Variants in DOCK2 observed in about 807,000 individuals in gnomAD.
The protein encoded by DOCK2 is dedicator of cytokinesis protein 2.
DOCK2 carries 87 observed loss-of-function variants against 248.9 expected under a neutral mutation model. That is an observed-to-expected ratio of 0.35 (90% CI 0.29 to 0.42). The LOEUF is 0.42. DOCK2 is among the 10% of genes least tolerant of loss of function. The pLI is 1.00. For synonymous variants in DOCK2, 805 were observed against 821.6 expected, an observed-to-expected ratio of 0.98 and a Z score of 0.35; for missense variants, 1,747 against 2,300.2, an observed-to-expected ratio of 0.76 and a Z score of 4.92.
chr5:169,982,068 C>CT (rs59193932), intron 27 of DOCK2, among the ~76,000 whole-genome samples: 2,656 of 126,254 alleles, frequency 0.021, 71 homozygotes, highest in African/African-American at 0.063. Flanking sequence ...GGTAAAAATG[C>CT]TTTTTTTTTT....
chr5:169,724,647 T>A (rs1762377110), intron 22 of DOCK2, among the ~76,000 whole-genome samples: 1 of 152,064 alleles, frequency 6.6e-6, no homozygotes, highest in Non-Finnish European at 1.5e-5. Flanking sequence ...ACGCCTCCAG[T>A]CTAGCTTACC....
chr5:169,881,223 GC>G (rs1772627876), intron 27 of DOCK2: 1 of 668,236 alleles, frequency 1.5e-6, no homozygotes, highest in Admixed American at 2.5e-5. Context: ...AGCAATCCCT[GC>G]CTTGGAACCA....
At chr5:169,809,525 G>A (rs754708737) in intron 26 of DOCK2, among the ~76,000 whole-genome samples, 21 of 152,266 alleles carry the variant, frequency 1.4e-4, no homozygotes, top group Admixed American at 6.5e-4. Flanking sequence ...GGACTTCCTT[G>A]TCTGTGTTTT....
Position 170,081,896 on chromosome 5 carries a change from C to T in DOCK2, c.5342C>T (p.Pro1781Leu). Residue 1781 changes from proline to leucine, a missense_variant, in exon 51 of 52, where the codon CCC (proline) becomes CTC (leucine). Pro to Leu is a moderately conservative substitution (Grantham distance 98). Around this residue, in one of 4 missense-constraint regions of DOCK2, gnomAD observed 513 missense variants for 586.1 expected, o/e 0.88. Transcript: ENST00000520908. ...GGGTTGGATGAGGCCAACACATCTCCCCGCCTCAGCCAGACCTTCCTCCAA... is the reference window on the plus strand; with the variant it reads ...GGGTTGGATGAGGCCAACACATCTCTCCGCCTCAGCCAGACCTTCCTCCAA... ...IPGLDEANTS[P>L]RLSQTFLQLS... 1 of 1,614,062 alleles carries T rather than the reference C, an allele frequency of 6.2e-7. No individual in the cohort carries two copies. The highest frequency in any genetic ancestry group is 8.5e-7 in the Non-Finnish European group (1 of 1,180,024).
Position 169,708,187 on chromosome 5 carries a change from G to T in DOCK2, c.1402G>T (p.Ala468Ser). 1 of 1,613,992 alleles carries T rather than the reference G, an allele frequency of 6.2e-7. No homozygotes were observed. The highest frequency in any genetic ancestry group is 8.5e-7 in the Non-Finnish European group (1 of 1,179,958). Residue 468 changes from alanine (A) to serine (S), a missense_variant, in exon 15 of 52, where the codon GCA (alanine) becomes TCA (serine). By Grantham distance (99) the Ala-to-Ser change is moderately conservative. Transcript: ENST00000520908. ...GGGTCAGAATGCAATTTGCGTGGGA[G>T]CAGGGGACAAGCCCATGAATGAGTA... ...KTLPNAICVG[A>S]GDKPMNEYRS...
intron 35 of DOCK2, 107 bp from the exon 36 acceptor site, chr5:170,036,408 A>G (rs1279607771): frequency 6.3e-6 from 7 of 1,116,612 alleles, no homozygotes; most frequent in Non-Finnish European, 9.2e-6. Flanking sequence ...ATCTCAGGGT[A>G]CCCAGATACT....
intron 27 of DOCK2, among the ~76,000 whole-genome samples, chr5:169,936,829 C>T (rs909753675): frequency 6.6e-6 from 1 of 152,088 alleles, no homozygotes; most frequent in Non-Finnish European, 1.5e-5. Flanking sequence ...TGACAAAACT[C>T]AATTTAAATA....
chr5:170,027,338 G>C (rs189139593), intron 33 of DOCK2, among the ~76,000 whole-genome samples: 1 of 152,214 alleles, frequency 6.6e-6, no homozygotes, highest in Admixed American at 6.5e-5. Flanking sequence ...CCCAAGGACT[G>C]TGGTTAGGAC....
At chr5:169,928,703 T>C (rs1370509413) in intron 27 of DOCK2, among the ~76,000 whole-genome samples, 1 of 152,140 alleles carries the variant, frequency 6.6e-6, no homozygotes, top group African/African-American at 2.4e-5. Context: ...GAAAAAAATA[T>C]GATTTCTCAA....
At chr5:170,032,376 A>G (rs571684342) in intron 34 of DOCK2, among the ~76,000 whole-genome samples, 1 of 152,240 alleles carries the variant, frequency 6.6e-6, no homozygotes, top group African/African-American at 2.4e-5. Flanking sequence ...GAGAATGTAA[A>G]CAATAAAATA....
chr5:169,671,680 T>C (rs1759056674), intron 5 of DOCK2, among the ~76,000 whole-genome samples: 1 of 152,342 alleles, frequency 6.6e-6, no homozygotes, highest in South Asian at 2.1e-4. Flanking sequence ...TAATTTTAAA[T>C]CCTCCTTTGA....
At chr5:169,653,583 TGTCCCAATG>T (rs879564111) in intron 1 of DOCK2, among the ~76,000 whole-genome samples, 2 of 152,136 alleles carry the variant, frequency 1.3e-5, no homozygotes, top group Non-Finnish European at 2.9e-5. Context: ...CCCTCTCCAT[TGTCCCAATG>T]GTGCTGTGCT....
chr5:169,669,746 T>C (rs920052233), intron 3 of DOCK2, among the ~76,000 whole-genome samples: 1 of 152,196 alleles, frequency 6.6e-6, no homozygotes, highest in African/African-American at 2.4e-5. Flanking sequence ...GGGGTTCTCT[T>C]GTTCTAACCT....
At chr5:169,850,544 A>G (rs984275310) in intron 27 of DOCK2, among the ~76,000 whole-genome samples, 2 of 76,366 alleles carry the variant, frequency 2.6e-5, no homozygotes, top group Non-Finnish European at 4.7e-5. Flanking sequence ...AAGAAAGAAA[A>G]TAGTAAAAAA....
At chr5:169,654,356 A>G (rs896001842) in intron 1 of DOCK2, 47 bp from the exon 2 acceptor site, 5 of 1,594,960 alleles carry the variant, frequency 3.1e-6, no homozygotes, top group Middle Eastern at 1.7e-4. Context: ...GCAGAGACTA[A>G]TGAGATCTAG....
intron 27 of DOCK2, among the ~76,000 whole-genome samples, chr5:169,866,834 A>G (rs951516266): frequency 6.6e-6 from 1 of 152,238 alleles, no homozygotes; most frequent in African/African-American, 2.4e-5. Context: ...GAAGACTTCT[A>G]TGACCAAATG....
intron 50 of DOCK2, 54 bp downstream of exon 50, chr5:170,080,337 G>A: frequency 6.2e-7 from 1 of 1,604,710 alleles, no homozygotes; most frequent in South Asian, 1.1e-5. Context: ...CAGGCCACCA[G>A]CCTTGTGGGT....
At chr5:169,808,453 G>A (rs752899462) in intron 26 of DOCK2, among the ~76,000 whole-genome samples, 24 of 152,122 alleles carry the variant, frequency 1.6e-4, no homozygotes, top group Admixed American at 6.5e-4. Flanking sequence ...GTCTGCCTTA[G>A]CCTGGCTGTT....
At chr5:169,999,566 C>T (rs73312330) in intron 30 of DOCK2, among the ~76,000 whole-genome samples, 2,569 of 152,188 alleles carry the variant, frequency 0.017, 77 homozygotes, top group African/African-American at 0.057. Context: ...GCTGTCACAC[C>T]CACAAGATTC....
Sources: gnomAD v4.1 joint callset for allele counts (sites outside exome capture counted in the v4.1 genomes callset) on GRCh38, gnomAD v4.1.1 for gene constraint, gnomAD v4.1.1 regional missense constraint, MANE v1.5 for transcripts, NCBI Gene and HGNC (gene_info 2026-07-23, HGNC 2026-07-21) for gene names.